Variants in RBFOX1 observed in about 807,000 individuals in gnomAD.
RBFOX1 encodes RNA binding protein fox-1 homolog 1.
In RBFOX1, 8 loss-of-function variants were observed where a neutral mutation model predicts 57.7. The observed-to-expected ratio is 0.14, with a 90% confidence interval of 0.08 to 0.25. RBFOX1 has a LOEUF of 0.25. Among genes scored for constraint, RBFOX1 ranks in the 10% least tolerant of loss-of-function variants. RBFOX1 has a pLI of 1.00. For missense variants in RBFOX1, 611 were observed against 548.5 expected, an observed-to-expected ratio of 1.11 and a Z score of -1.14; for synonymous variants, 326 against 222.4, an observed-to-expected ratio of 1.47 and a Z score of -4.15.
intron 1 of RBFOX1, among the ~76,000 whole-genome samples, chr16:5,404,303 A>T (rs76596888): frequency 0.099 from 15,045 of 152,112 alleles, 1,717 homozygotes; most frequent in African/African-American, 0.28. Flanking sequence ...CACACCTTTT[A>T]AAAGAAGTGC....
At chr16:5,248,749 G>C (rs2062368219) in intron 1 of RBFOX1, among the ~76,000 whole-genome samples, 1 of 152,292 alleles carries the variant, frequency 6.6e-6, no homozygotes, top group Admixed American at 6.5e-5. Flanking sequence ...CAGCACTTTG[G>C]GAGGCCAAGG....
At chr16:7,671,981 A>G (rs896882064) in intron 13 of RBFOX1, among the ~76,000 whole-genome samples, 1 of 152,218 alleles carries the variant, frequency 6.6e-6, no homozygotes, top group Non-Finnish European at 1.5e-5. Flanking sequence ...AAATAATTCA[A>G]GGTTCTAATT....
At chr16:7,046,473 A>G (rs1378946707) in intron 3 of RBFOX1, among the ~76,000 whole-genome samples, 2 of 152,170 alleles carry the variant, frequency 1.3e-5, no homozygotes, top group Admixed American at 6.6e-5. Flanking sequence ...TTATACATAC[A>G]TTAAAATATC....
intron 2 of RBFOX1, among the ~76,000 whole-genome samples, chr16:6,338,869 A>T (rs937612410): frequency 6.6e-6 from 1 of 152,208 alleles, no homozygotes; most frequent in African/African-American, 2.4e-5. Flanking sequence ...GTACACAATA[A>T]AAGTTTTCTT....
At chr16:6,825,426 G>A (rs1381481705) in intron 3 of RBFOX1, among the ~76,000 whole-genome samples, 1 of 152,016 alleles carries the variant, frequency 6.6e-6, no homozygotes, top group Non-Finnish European at 1.5e-5. Flanking sequence ...AGCAAGGCAG[G>A]GATGATTTGA....
chr16:5,644,274 G>A (rs944454336), intron 3 of RBFOX1, among the ~76,000 whole-genome samples: 1 of 152,194 alleles, frequency 6.6e-6, no homozygotes, highest in Non-Finnish European at 1.5e-5. Flanking sequence ...GAAGGACAAT[G>A]CAATTTATGT....
chr16:6,691,411 T>G (rs757155606), intron 3 of RBFOX1, among the ~76,000 whole-genome samples: 21 of 152,218 alleles, frequency 1.4e-4, no homozygotes, highest in Admixed American at 4.6e-4. Context: ...CTTGTCACTT[T>G]CAACACCTAT....
At chr16:5,366,255 G>C (rs182279702) in intron 1 of RBFOX1, 1 of 405,894 alleles carries the variant, frequency 2.5e-6, no homozygotes, top group East Asian at 6.1e-5. Context: ...ACAGAAAAAA[G>C]TAAAACTTGC....
At chr16:5,970,542 TTGC>T (rs2059941754) in intron 4 of RBFOX1, among the ~76,000 whole-genome samples, 1 of 152,154 alleles carries the variant, frequency 6.6e-6, no homozygotes, top group Non-Finnish European at 1.5e-5. Context: ...AACCAATGAG[TTGC>T]TCAAGTAGAA....
intron 3 of RBFOX1, among the ~76,000 whole-genome samples, chr16:5,746,579 T>A (rs1000000925): frequency 3.3e-5 from 5 of 152,240 alleles, no homozygotes; most frequent in Non-Finnish European, 7.3e-5. Flanking sequence ...GAGCATGGAA[T>A]GTTCTTCTAT....
intron 1 of RBFOX1, among the ~76,000 whole-genome samples, chr16:6,193,146 C>A (rs918546074): frequency 6.6e-6 from 1 of 151,584 alleles, no homozygotes; most frequent in Admixed American, 6.6e-5. Context: ...GTTGGTGAGG[C>A]AATGTGTTCA....
At chr16:6,419,832 G>A (rs1419968220) in intron 2 of RBFOX1, among the ~76,000 whole-genome samples, 1 of 152,164 alleles carries the variant, frequency 6.6e-6, no homozygotes, top group African/African-American at 2.4e-5. Context: ...CGGGGTATAG[G>A]CATGATCTCA....
chr16:7,181,410 G>A (rs183692756), intron 4 of RBFOX1, among the ~76,000 whole-genome samples: 175 of 152,156 alleles, frequency 1.2e-3, no homozygotes, highest in African/African-American at 4.1e-3. Flanking sequence ...GTTAATTAGG[G>A]GTCCCTGAGA....
At chr16:6,116,488 C>T (rs541865119) in intron 1 of RBFOX1, among the ~76,000 whole-genome samples, 1 of 152,150 alleles carries the variant, frequency 6.6e-6, no homozygotes, top group Admixed American at 6.5e-5. Context: ...TACTACCATG[C>T]ATTGCAGTGG....
At chr16:7,173,060 C>A (rs2081011922) in intron 4 of RBFOX1, among the ~76,000 whole-genome samples, 1 of 152,074 alleles carries the variant, frequency 6.6e-6, no homozygotes, top group Admixed American at 6.6e-5. Flanking sequence ...TAGTACCCAA[C>A]AAGTAGAAAA....
chr16:6,778,282 C>T (rs576251137), intron 3 of RBFOX1, among the ~76,000 whole-genome samples: 4 of 152,156 alleles, frequency 2.6e-5, no homozygotes, highest in African/African-American at 9.6e-5. Context: ...TACAAAGTAA[C>T]AAACACATGC....
At chr16:6,354,333 G>C (rs2152853294) in intron 2 of RBFOX1, among the ~76,000 whole-genome samples, 1 of 152,190 alleles carries the variant, frequency 6.6e-6, no homozygotes, top group South Asian at 2.1e-4. Flanking sequence ...TCCATCACCA[G>C]TCTCCAGCAG....
In RBFOX1 at chr16:5,619,171, C is replaced by G. The variant is rs1169477527; in HGVS notation, c.318+20210C>G. Among the ~76,000 whole-genome samples the G allele has an allele frequency of 2.6e-5, 4 of 152,178 alleles. No individual in the cohort carries two copies. The East Asian group carries it at 7.7e-4, about 29-fold the overall frequency. ...AGGGGTTACCTGTGAGGCCTCAGCT[C>G]TAAGGCTATGTTCGTTCTTAAAAAA... On this transcript the variant is annotated intron_variant, in intron 3 of 19. Transcript: ENST00000641259.
At position 7,554,519 on chromosome 16, in the gene RBFOX1, C is replaced by G. The variant is rs182681157; in HGVS notation, c.271-25258C>G. 2.0e-5 allele frequency among the ~76,000 whole-genome samples: 3 copies of G among 152,200 alleles called. No homozygotes were observed. In the East Asian group the frequency reaches 5.8e-4, roughly 29 times the overall value. On this transcript the variant is annotated intron_variant, in intron 5 of 15. Coordinates refer to ENST00000550418, the MANE Select transcript of RBFOX1 (RefSeq NM_018723.4). Reference sequence around the variant, plus strand: ...TAGACTAAGTGTTAGTTGGAGTAAACAGACTTAGCTTCTCTAGATCTGCTT... The same window carrying G: ...TAGACTAAGTGTTAGTTGGAGTAAAGAGACTTAGCTTCTCTAGATCTGCTT...
Sources: gnomAD v4.1 joint callset for allele counts (sites outside exome capture counted in the v4.1 genomes callset) on GRCh38, gnomAD v4.1.1 for gene constraint, MANE v1.5 for transcripts, NCBI Gene and HGNC (gene_info 2026-07-23, HGNC 2026-07-21) for gene names.